The following ARHGEF16 variants were observed in gnomAD, a reference collection of about 807,000 sequenced individuals.
ARHGEF16 encodes the protein Rho guanine exchange factor (GEF) 16.
A neutral mutation model predicts 74.1 loss-of-function variants in ARHGEF16; 59 were observed. That is an observed-to-expected ratio of 0.80 (90% confidence interval 0.65 to 0.99). The LOEUF (loss-of-function observed/expected upper bound fraction) is 0.99, where lower values mean the gene tolerates loss of function less well. Among genes scored for constraint, ARHGEF16 ranks in the 50% least tolerant of loss-of-function variants. The pLI is 0.00. For synonymous variants in ARHGEF16, 415 were observed against 412.6 expected (o/e 1.01, Z -0.07); for missense variants, 948 against 986.6 (o/e 0.96, Z 0.52).
At chr1:3,469,008 C>A in intron 5 of ARHGEF16, 72 bp downstream of exon 5, 1 of 1,521,752 alleles carries the variant, frequency 6.6e-7, no homozygotes, top group Non-Finnish European at 8.9e-7. Flanking sequence ...GGGGCAGCAG[C>A]CACGGTGGCA....
Position 3,463,507 on chromosome 1 carries a change from C to T in ARHGEF16, c.423C>T (p.Pro141=), listed in dbSNP as rs758973319. 1.9e-4 allele frequency: 279 copies of T among 1,492,728 alleles called. No homozygotes were observed. The highest frequency in any genetic ancestry group is 3.5e-4 in the Middle Eastern group (2 of 5,718). The allele number at this position is 1,492,728 out of a possible 1,614,324, so 92.5% of individuals were successfully genotyped here. ...SLDDMDVDKD[P]GGMLRRNLRN... is the part of the protein sequence containing the mutation. ...ATGACATGGACGTGGACAAGGACCC[C>T]GGGGGCATGCTGAGGCGGAACCTGC... Residue 141 remains proline, a synonymous_variant, in exon 2 of 15, where the codon CCC becomes CCT. Transcript: ENST00000378378.
chr1:3,471,194 G>C (rs535603855), intron 6 of ARHGEF16, among the ~76,000 whole-genome samples: 16 of 152,122 alleles, frequency 1.1e-4, no homozygotes, highest in African/African-American at 3.6e-4. Context: ...CTATATGCAG[G>C]AGGACCCCGG....
chr1:3,479,159 C>T (rs922975373), intron 12 of ARHGEF16, among the ~76,000 whole-genome samples: 5 of 152,238 alleles, frequency 3.3e-5, no homozygotes, highest in Non-Finnish European at 5.9e-5. Context: ...CTCCATATTC[C>T]CTCTCAGCTC....
At chr1:3,470,136 G>A (rs1639666206) in intron 6 of ARHGEF16, among the ~76,000 whole-genome samples, 1 of 149,716 alleles carries the variant, frequency 6.7e-6, no homozygotes, top group Admixed American at 6.6e-5. Context: ...TGTGGGGTGG[G>A]GTGTCTGTGC....
chr1:3,478,824 C>G (rs28568519), intron 12 of ARHGEF16, among the ~76,000 whole-genome samples: 8,162 of 151,860 alleles, frequency 0.054, 280 homozygotes, highest in East Asian at 0.13. Context: ...GACGCACCAA[C>G]AGTTGGGCCA....
At chr1:3,461,092 C>G (rs1048576878) in intron 1 of ARHGEF16, among the ~76,000 whole-genome samples, 2 of 152,188 alleles carry the variant, frequency 1.3e-5, no homozygotes, top group African/African-American at 2.4e-5. Flanking sequence ...AGTTTCCACC[C>G]GCAAGAGACT....
At chr1:3,462,814 T>A (rs1639433116) in intron 1 of ARHGEF16, among the ~76,000 whole-genome samples, 1 of 152,140 alleles carries the variant, frequency 6.6e-6, no homozygotes, top group Non-Finnish European at 1.5e-5. Flanking sequence ...CCCTTGGAGC[T>A]CGGAGAACCA....
chr1:3,471,181 TCC>T (rs1484044016), intron 6 of ARHGEF16, among the ~76,000 whole-genome samples: 1 of 151,900 alleles, frequency 6.6e-6, no homozygotes, highest in Non-Finnish European at 1.5e-5. Flanking sequence ...CCTGTGCTGC[TCC>T]CTATATGCAG....
chr1:3,464,350 C>G (rs559971707), intron 2 of ARHGEF16, among the ~76,000 whole-genome samples: 1 of 152,210 alleles, frequency 6.6e-6, no homozygotes, highest in Admixed American at 6.5e-5. Context: ...GGGGGCCAGG[C>G]CTTCATTTCA....
chr1:3,459,978 G>A (rs1639354515), intron 1 of ARHGEF16, among the ~76,000 whole-genome samples: 1 of 152,232 alleles, frequency 6.6e-6, no homozygotes, highest in Admixed American at 6.5e-5. Context: ...GTGTGGAAGA[G>A]GGGACGCTGG....
intron 7 of ARHGEF16, 81 bp from the exon 8 acceptor site, chr1:3,473,312 G>A (rs529975610): frequency 1.3e-6 from 2 of 1,580,872 alleles, no homozygotes; most frequent in Non-Finnish European, 8.6e-7. Flanking sequence ...CCTGCTCCCA[G>A]CCCAGCTTCT....
Position 3,468,940 on chromosome 1 carries a change from A to AT in ARHGEF16, c.861+4_861+5insT. On this transcript the variant is annotated splice_donor_region_variant and intron_variant, in intron 5 of 14. Coordinates refer to ENST00000378378, the MANE Select transcript of ARHGEF16 (RefSeq NM_014448.4). ...TGAGGAGCGGAAAAGGCAGGAGGTAAAAGGGCCCTGGGCGGGAGGGCTGTC... is the reference window on the plus strand; with the variant it reads ...TGAGGAGCGGAAAAGGCAGGAGGTAATAAGGGCCCTGGGCGGGAGGGCTGTC... 1 of 1,549,812 alleles carries AT rather than the reference A, an allele frequency of 6.5e-7. No homozygotes were observed. The highest frequency in any genetic ancestry group is 8.7e-7 in the Non-Finnish European group (1 of 1,146,704).
rs1038532847 is a variant in ARHGEF16 at position 3,463,661 on chromosome 1, G to C, written c.577G>C (p.Ala193Pro). Residue 193 changes from alanine (A) to proline (P), a missense_variant, in exon 2 of 15, where the codon GCC (alanine) becomes CCC (proline). By Grantham distance (27) the Ala-to-Pro change is conservative (BLOSUM62 -1). Coordinates refer to ENST00000378378, the MANE Select transcript of ARHGEF16 (RefSeq NM_014448.4). ...CAGCCAGCCTCATACTCGGAGCCCG[G>C]CCAAAAACAAGGTAGGGGCCTGCTC... Reference protein sequence around the residue: ...EPSQPHTRSPAKNKKTLGRKR... With the variant: ...EPSQPHTRSPPKNKKTLGRKR... 2 of 1,413,052 alleles carry C rather than the reference G, an allele frequency of 1.4e-6. No individual in the cohort carries two copies. The highest frequency in any genetic ancestry group is 2.9e-5 in the African/African-American group (2 of 69,350). 87.5% of individuals were successfully genotyped at this position (1,413,052 alleles called of 1,614,324 possible). A position where few individuals can be genotyped will look rare whatever the true frequency, so the allele number is the denominator to read the frequency against.
rs1024093942 is a variant in ARHGEF16 at position 3,467,256 on chromosome 1, C to T, written c.723C>T (p.Pro241=). Residue 241 remains proline, a synonymous_variant, in exon 4 of 15, where the codon CCC becomes CCT. Coordinates refer to ENST00000378378, the MANE Select transcript of ARHGEF16 (RefSeq NM_014448.4). The stretch of plus-strand genomic sequence containing the variant: ...ACATCCTCGATGAGTCCTCCAGCCC[C>T]GAGGGAACCCAGAAGGTGGACGCCA... ...DDDILDESSS[P]EGTQKVDATI... 7.7e-6 allele frequency: 12 copies of T among 1,550,396 alleles called. No homozygotes were observed. Among genetic ancestry groups the T allele is most frequent in the Admixed American group, 3.9e-5 (2 of 50,982 alleles).
At chr1:3,476,413 C>T (rs1005737634) in intron 10 of ARHGEF16, among the ~76,000 whole-genome samples, 7 of 152,166 alleles carry the variant, frequency 4.6e-5, no homozygotes, top group Non-Finnish European at 8.8e-5. Flanking sequence ...CTGGGGCCAG[C>T]GCTCCTTGCT....
chr1:3,477,349 C>CACCCCCACACTACCCACCCCA (rs1639912466), intron 10 of ARHGEF16, among the ~76,000 whole-genome samples: 1 of 38,572 alleles, frequency 2.6e-5, no homozygotes, highest in African/African-American at 9.6e-5. Flanking sequence ...TGCCCACCCT[C>CACCCCCACACTACCCACCCCA]TGGCCTTTGC....
intron 1 of ARHGEF16, among the ~76,000 whole-genome samples, chr1:3,458,898 A>C (rs1227942262): frequency 6.6e-6 from 1 of 152,250 alleles, no homozygotes; most frequent in East Asian, 1.9e-4. Flanking sequence ...GAGGATAATG[A>C]AAATGATAAG....
intron 3 of ARHGEF16, 187 bp from the exon 4 acceptor site, chr1:3,466,981 G>T: frequency 1.7e-6 from 1 of 580,222 alleles, no homozygotes; most frequent in Non-Finnish European, 2.9e-6. Flanking sequence ...CCCATTTCAG[G>T]TGGGACTTGT....
intron 1 of ARHGEF16, among the ~76,000 whole-genome samples, chr1:3,456,529 G>A (rs1468603241): frequency 2.0e-5 from 3 of 152,192 alleles, no homozygotes; most frequent in Non-Finnish European, 2.9e-5. Flanking sequence ...AGCCATCCAG[G>A]TCAGGACAGG....
Sources: gnomAD v4.1 joint callset for allele counts (sites outside exome capture counted in the v4.1 genomes callset) on GRCh38, gnomAD v4.1.1 for gene constraint, MANE v1.5 for transcripts, NCBI Gene and HGNC (gene_info 2026-07-23, HGNC 2026-07-21) for gene names.